Variants in CNIH3 observed in about 807,000 individuals in gnomAD.
CNIH3 encodes protein cornichon homolog 3.
In CNIH3, 14 loss-of-function variants were observed where a neutral mutation model predicts 24.1. The observed-to-expected ratio is 0.58, with a 90% CI of 0.38 to 0.91. The LOEUF is 0.91. Ranked by LOEUF, CNIH3 falls within the 40% of genes least tolerant of loss-of-function variation. The pLI is 0.00. For missense variants in CNIH3, 178 were observed against 196.8 expected (o/e 0.90, Z 0.57); for synonymous variants, 68 against 73.8 (o/e 0.92, Z 0.40).
At chr1:224,587,435 C>T (rs932971662) in intron 5 of CNIH3, 4 of 152,192 alleles carry the variant, frequency 2.6e-5, no homozygotes, top group African/African-American at 9.7e-5. Flanking sequence ...GAAGTTTCTG[C>T]CTGCACAGAG....
intron 4 of CNIH3, among the ~76,000 whole-genome samples, chr1:224,571,370 A>T (rs557367816): frequency 1.5e-4 from 23 of 152,278 alleles, no homozygotes; most frequent in African/African-American, 5.5e-4. Flanking sequence ...ACAGCAAAAC[A>T]TATGAAATAA....
At position 224,617,235 on chromosome 1, in the gene CNIH3, ATCT is replaced by A. The variant is rs1683051015; in HGVS notation, c.67_69del (p.Phe23del). On this transcript the variant is annotated inframe_deletion, in exon 1 of 6. Transcript: ENST00000272133. ...GTCTCTGGTGCTGTGCGCTGCGCTC[ATCT>A]TCTTCGCCATCTGGCACGTGAGTAA... 2.5e-6 allele frequency: 4 copies of A among 1,613,890 alleles called. No homozygotes were observed. The highest frequency in any genetic ancestry group is 1.7e-6 in the Non-Finnish European group (2 of 1,179,940).
chr1:224,450,271 A>G (rs776915562), intron 1 of CNIH3, among the ~76,000 whole-genome samples: 5 of 152,206 alleles, frequency 3.3e-5, no homozygotes, highest in Non-Finnish European at 7.4e-5. Flanking sequence ...AGAAATAAAT[A>G]AACAGGAAAT....
At chr1:224,475,355 C>CAAAAAA (rs35377680) in intron 1 of CNIH3, among the ~76,000 whole-genome samples, 1 of 129,522 alleles carries the variant, frequency 7.7e-6, no homozygotes. Flanking sequence ...GACTCCATCT[C>CAAAAAA]AAAAAAAAAA....
chr1:224,641,730 G>A (rs1684371011), intron 1 of CNIH3, among the ~76,000 whole-genome samples: 1 of 152,210 alleles, frequency 6.6e-6, no homozygotes, highest in Non-Finnish European at 1.5e-5. Context: ...CTCAGAGGAT[G>A]CGGCCTCTAC....
upstream of CNIH3, among the ~76,000 whole-genome samples, chr1:224,515,528 C>T (rs1301559855): frequency 6.6e-6 from 1 of 152,178 alleles, no homozygotes; most frequent in Non-Finnish European, 1.5e-5. Context: ...TTTGGCTGGC[C>T]TGTGAGATCT....
chr1:224,616,448 G>T lies in CNIH3; in HGVS notation c.-727G>T. The T allele has an allele frequency of 4.0e-6, 4 of 991,108 alleles. No individual in the cohort carries two copies. The highest frequency in any genetic ancestry group is 4.8e-6 in the Non-Finnish European group (4 of 833,044). 61.4% of individuals were successfully genotyped at this position (991,108 alleles called of 1,614,324 possible). A position where few individuals can be genotyped will look rare whatever the true frequency, so the allele number is the denominator to read the frequency against. ...GGCCCGTTGGGTGGAGCCAGTGCTC[G>T]CCCCGGTCCGACCCCCGGTTTCCGG... On this transcript the variant is annotated 5_prime_UTR_variant, in exon 1 of 6. Transcript: ENST00000272133.
intron 1 of CNIH3, among the ~76,000 whole-genome samples, chr1:224,645,338 C>T (rs569627674): frequency 5.9e-5 from 9 of 152,334 alleles, no homozygotes; most frequent in Non-Finnish European, 1.0e-4. Flanking sequence ...CCCCAAGAGG[C>T]GGTACACTCA....
intron 4 of CNIH3, among the ~76,000 whole-genome samples, chr1:224,580,174 T>A (rs1558179894): frequency 6.6e-6 from 1 of 152,160 alleles, no homozygotes; most frequent in South Asian, 2.1e-4. Flanking sequence ...TCTAACTATA[T>A]CTTAAATAGA....
chr1:224,449,842 C>T (rs1365010610), intron 1 of CNIH3, among the ~76,000 whole-genome samples: 1 of 152,164 alleles, frequency 6.6e-6, no homozygotes, highest in Non-Finnish European at 1.5e-5. Flanking sequence ...AAGTCCCTCA[C>T]CTGTGGCTCC....
downstream of CNIH3, among the ~76,000 whole-genome samples, chr1:224,539,121 CA>C (rs1295750496): frequency 1.3e-5 from 2 of 152,150 alleles, no homozygotes; most frequent in Non-Finnish European, 2.9e-5. Context: ...TTTTCCCATG[CA>C]TTTCTCTTCC....
chr1:224,523,229 A>G (rs555263470), intron 2 of CNIH3, among the ~76,000 whole-genome samples: 2 of 151,480 alleles, frequency 1.3e-5, no homozygotes, highest in African/African-American at 4.8e-5. Context: ...ACAGAGAGGG[A>G]CCCTGTCTCA....
In CNIH3 at chr1:224,645,853, G is replaced by A. The variant is rs144854635; in HGVS notation, c.81+28598G>A. Among the ~76,000 whole-genome samples the A allele has an allele frequency of 5.8e-3, 887 of 152,280 alleles. 14 individuals are homozygous for A. Among genetic ancestry groups the A allele is most frequent in the African/African-American group, 0.02 (836 of 41,548 alleles). On this transcript the variant is annotated intron_variant, in intron 1 of 5. Coordinates refer to ENST00000272133, the MANE Select transcript of CNIH3 (RefSeq NM_152495.2). ...ATCTCGCTCCAAGGGAATTAATAAG[G>A]ACCAAATGGCCAAAGGGCAGGAAGC...
intron 4 of CNIH3, among the ~76,000 whole-genome samples, chr1:224,575,734 A>G (rs1681009007): frequency 6.6e-6 from 1 of 152,098 alleles, no homozygotes; most frequent in African/African-American, 2.4e-5. Flanking sequence ...TTTACCTCAA[A>G]TAAATGTGCT....
intron 3 of CNIH3, among the ~76,000 whole-genome samples, chr1:224,689,989 G>A (rs565933384): frequency 3.9e-5 from 6 of 152,196 alleles, no homozygotes; most frequent in South Asian, 2.1e-4. Context: ...TGTGACTGCC[G>A]CTTTTGGGCA....
Position 224,664,203 on chromosome 1 carries a change from G to A in CNIH3, c.82-16755G>A, listed in dbSNP as rs138840142. The stretch of plus-strand genomic sequence containing the variant: ...GCAATCATGATGGATGAGGGATCTG[G>A]CATCTCACTGGATGTGGTGGTCTAG... On this transcript the variant is annotated intron_variant, in intron 1 of 5. Transcript: ENST00000272133. 6.0e-3 allele frequency among the ~76,000 whole-genome samples: 915 copies of A among 152,298 alleles called. 8 individuals are homozygous for A. The highest frequency in any genetic ancestry group is 0.02 in the African/African-American group (852 of 41,566).
chr1:224,688,975 A>G (rs1363751556), intron 3 of CNIH3, among the ~76,000 whole-genome samples: 1 of 151,970 alleles, frequency 6.6e-6, no homozygotes, highest in Non-Finnish European at 1.5e-5. Context: ...TTAACTCAAT[A>G]TTGTATTCAT....
In CNIH3 at chr1:224,439,757, G is replaced by A. The variant is rs777196176; in HGVS notation, n.203+4895G>A. Among the ~76,000 whole-genome samples, 6 of 142,794 alleles carry A rather than the reference G, an allele frequency of 4.2e-5. No homozygotes were observed. In the East Asian group the frequency reaches 1.0e-3, roughly 24 times the overall value. The allele number at this position is 142,794 out of a possible 152,430, so 93.7% of individuals were successfully genotyped here. A position where few individuals can be genotyped will look rare whatever the true frequency, so the allele number is the denominator to read the frequency against. On this transcript the variant is annotated intron_variant and non_coding_transcript_variant, in intron 1 of 5. Transcript: ENST00000471578. ...CTCCCGAGTAGCTGGGACTACAGGC[G>A]TGCACCACCATCCCCAGGTAATTTT...
At chr1:224,575,068 A>G in intron 4 of CNIH3, 1 of 872,656 alleles carries the variant, frequency 1.1e-6, no homozygotes, top group Non-Finnish European at 2.0e-6. Flanking sequence ...GTGACTGCCT[A>G]CAGCTCCTTC....
Sources: allele counts gnomAD v4.1 joint callset (sites outside exome capture counted in the v4.1 genomes callset), GRCh38; gene constraint gnomAD v4.1.1; transcripts MANE v1.5; gene names NCBI Gene and HGNC (gene_info 2026-07-23, HGNC 2026-07-21).